The following MYLK variants were observed in gnomAD, a reference collection of about 807,000 sequenced individuals.
MYLK encodes the protein myosin light chain kinase, also known as myosin light chain kinase, smooth muscle.
Under a neutral mutation model 203.4 loss-of-function variants are expected in MYLK, and 106 were observed. That is an observed-to-expected ratio of 0.52 (90% confidence interval 0.45 to 0.61). The LOEUF is 0.61. Among genes scored for constraint, MYLK ranks in the 20% least tolerant of loss-of-function variants. The pLI is 0.00. For synonymous variants in MYLK, 867 were observed against 959.5 expected, an observed-to-expected ratio of 0.90 and a Z score of 1.78; for missense variants, 2,072 against 2,442.3, an observed-to-expected ratio of 0.85 and a Z score of 3.20.
At chr3:123,871,384 C>T (rs2032772306) in intron 2 of MYLK, among the ~76,000 whole-genome samples, 2 of 152,222 alleles carry the variant, frequency 1.3e-5, no homozygotes, top group South Asian at 2.1e-4. Flanking sequence ...AACCAACAAA[C>T]ACCTGGTTCT....
At chr3:123,732,219 T>C (rs996355237) in intron 11 of MYLK, among the ~76,000 whole-genome samples, 12 of 152,184 alleles carry the variant, frequency 7.9e-5, no homozygotes, top group Non-Finnish European at 1.5e-4. Flanking sequence ...AGGTATGTTA[T>C]AATAGTGAAA....
chr3:123,614,773 T>G (rs1217901282), intron 33 of MYLK, among the ~76,000 whole-genome samples: 1 of 151,226 alleles, frequency 6.6e-6, no homozygotes, highest in Non-Finnish European at 1.5e-5. Context: ...ACTATAGGCA[T>G]GAGCGACCGT....
chr3:123,830,121 G>C (rs2066272695), intron 3 of MYLK, among the ~76,000 whole-genome samples: 1 of 152,246 alleles, frequency 6.6e-6, no homozygotes, highest in Non-Finnish European at 1.5e-5. Context: ...TGGCCAGGCA[G>C]ATGTGTCTTT....
chr3:123,816,856 C>T (rs1290484248), intron 3 of MYLK, among the ~76,000 whole-genome samples: 1 of 152,114 alleles, frequency 6.6e-6, no homozygotes, highest in African/African-American at 2.4e-5. Flanking sequence ...ATTTCCGGTG[C>T]CACAGAAAGC....
rs1263696728 is a variant in MYLK, at chr3:123,713,579, A to ATGTATGTG, written c.1805-3687_1805-3686insCACATACA. Among the ~76,000 whole-genome samples the ATGTATGTG allele has an allele frequency of 5.9e-5, 8 of 136,478 alleles. No individual in the cohort carries two copies. The South Asian group carries it at 1.5e-3, about 26-fold the overall frequency. The allele number at this position is 136,478 out of a possible 152,430, so 89.5% of individuals were successfully genotyped here. A position where few individuals can be genotyped will look rare whatever the true frequency, so the allele number is the denominator to read the frequency against. The stretch of plus-strand genomic sequence containing the variant: ...CAAGCCAGGTGAAAAGAGCAACACA[A>ATGTATGTG]TGTGTGTGTGTGTGTGTGTGTGTGT... On this transcript the variant is annotated intron_variant, in intron 13 of 33. Transcript: ENST00000360304.
intron 2 of MYLK, among the ~76,000 whole-genome samples, chr3:123,833,482 G>T (rs2066398048): frequency 6.6e-6 from 1 of 151,352 alleles, no homozygotes; most frequent in African/African-American, 2.4e-5. Flanking sequence ...AGCCAGAGGA[G>T]CCTCCAAACC....
chr3:123,622,047 A>T (rs2057895323), intron 31 of MYLK: 1 of 152,228 alleles, frequency 6.6e-6, no homozygotes, highest in Non-Finnish European at 1.5e-5. Flanking sequence ...AGAGAGAGAG[A>T]GACCCAGCTC....
intron 20 of MYLK, among the ~76,000 whole-genome samples, chr3:123,668,474 G>C (rs940368777): frequency 1.8e-4 from 27 of 151,376 alleles, no homozygotes; most frequent in Admixed American, 1.2e-3. Flanking sequence ...CTATAGGAAT[G>C]GAGAACAGAT....
intron 27 of MYLK, among the ~76,000 whole-genome samples, chr3:123,641,790 TCCTCCCTTC>T (rs1331892435): frequency 8.2e-6 from 1 of 121,990 alleles, no homozygotes; most frequent in Non-Finnish European, 1.6e-5. Flanking sequence ...CTCCCTCCCT[TCCTCCCTTC>T]CCTCCCTTGC....
intron 4 of MYLK, among the ~76,000 whole-genome samples, chr3:123,792,643 A>C (rs1289846241): frequency 6.6e-6 from 1 of 152,150 alleles, no homozygotes; most frequent in East Asian, 1.9e-4. Flanking sequence ...TAGTCATCTA[A>C]GTCATTTATG....
At chr3:123,822,771 G>A (rs909465521) in intron 3 of MYLK, among the ~76,000 whole-genome samples, 1 of 152,118 alleles carries the variant, frequency 6.6e-6, no homozygotes, top group African/African-American at 2.4e-5. Context: ...CTTCTGCCTA[G>A]GAAGGGACTA....
chr3:123,770,222 G>A (rs1297991103), intron 4 of MYLK, among the ~76,000 whole-genome samples: 1 of 152,130 alleles, frequency 6.6e-6, no homozygotes, highest in African/African-American at 2.4e-5. Context: ...TACTTGGGAG[G>A]CTGATGCAGG....
chr3:123,680,216 T>C (rs1351635333), intron 20 of MYLK, among the ~76,000 whole-genome samples: 1 of 152,142 alleles, frequency 6.6e-6, no homozygotes, highest in Non-Finnish European at 1.5e-5. Context: ...CCTGCTCTGC[T>C]CATCATCTCA....
chr3:123,754,499 G>A (rs2063302413), intron 4 of MYLK, among the ~76,000 whole-genome samples: 2 of 152,362 alleles, frequency 1.3e-5, no homozygotes, highest in East Asian at 1.9e-4. Flanking sequence ...AGACTCTGGA[G>A]TGGATTCCCC....
chr3:123,795,494 G>A (rs2064953066), intron 3 of MYLK, among the ~76,000 whole-genome samples: 1 of 152,230 alleles, frequency 6.6e-6, no homozygotes, highest in Non-Finnish European at 1.5e-5. Context: ...TGTAAACAGA[G>A]AAAGGATTTG....
intron 21 of MYLK, among the ~76,000 whole-genome samples, chr3:123,666,669 A>G (rs1399477297): frequency 1.3e-5 from 2 of 152,184 alleles, no homozygotes; most frequent in African/African-American, 4.8e-5. Context: ...ATTAAGCATC[A>G]CCTTGCCTTC....
chr3:123,683,298 T>C (rs1448828172), intron 19 of MYLK, among the ~76,000 whole-genome samples: 1 of 7,394 alleles, frequency 1.4e-4, no homozygotes, highest in African/African-American at 5.9e-4. Context: ...GGGGTGGGGG[T>C]GGGTGGGGGG....
At chr3:123,766,905 T>C (rs752941760) in intron 4 of MYLK, among the ~76,000 whole-genome samples, 1 of 152,214 alleles carries the variant, frequency 6.6e-6, no homozygotes, top group Non-Finnish European at 1.5e-5. Flanking sequence ...CCTGCGGTTG[T>C]TCTCTGGGTA....
rs765507293 is a variant in MYLK, at chr3:123,733,890, T to C, written c.1106A>G (p.Glu369Gly). 8.7e-6 allele frequency: 14 copies of C among 1,613,970 alleles called. No homozygotes were observed. In the South Asian group the frequency reaches 1.2e-4, roughly 14 times the overall value. ...GGGAGGAGCTGGCCTCTTCCTCTCTTCTCCAGAAGGTGATAGGACCCCCAG... is the reference window on the plus strand; with the variant it reads ...GGGAGGAGCTGGCCTCTTCCTCTCTCCTCCAGAAGGTGATAGGACCCCCAG... ...PGLGVLSPSG[E>G]ERKRPAPPRP... The change falls in exon 10 of 34, where the codon GAA becomes GGA. Residue 369 changes from glutamate (E) to glycine (G), a missense_variant. Physicochemically the swap from Glu to Gly is moderately conservative, Grantham distance 98. Coordinates refer to ENST00000360304, the MANE Select transcript of MYLK (RefSeq NM_053025.4).
Sources: gnomAD v4.1 joint callset for allele counts (sites outside exome capture counted in the v4.1 genomes callset) on GRCh38, gnomAD v4.1.1 for gene constraint, MANE v1.5 for transcripts, NCBI Gene and HGNC (gene_info 2026-07-23, HGNC 2026-07-21) for gene names.